RASGRF2: variants seen among roughly 807,000 people sequenced by gnomAD.
The protein encoded by RASGRF2 is ras-specific guanine nucleotide-releasing factor 2.
RASGRF2 carries 76 observed loss-of-function variants against 151.0 expected under a neutral mutation model. The observed-to-expected ratio is 0.50, with a 90% CI of 0.42 to 0.61. The LOEUF is 0.61. Among genes scored for constraint, RASGRF2 ranks in the 20% least tolerant of loss-of-function variants. The probability of loss-of-function intolerance (pLI) is 0.00; values close to 1 mark genes in which losing one functional copy is unlikely to be tolerated. For synonymous variants in RASGRF2, 504 were observed against 566.5 expected (o/e 0.89, Z 1.57); for missense variants, 1,148 against 1,564.6 (o/e 0.73, Z 4.49).
At chr5:81,129,549 G>C (rs1753560022) in intron 17 of RASGRF2, among the ~76,000 whole-genome samples, 7 of 152,148 alleles carry the variant, frequency 4.6e-5, no homozygotes, top group Admixed American at 2.6e-4. Flanking sequence ...GGCAAATTGG[G>C]ATGTGCTTTG....
intron 1 of RASGRF2, among the ~76,000 whole-genome samples, chr5:81,015,407 TAATA>T (rs1002188397): frequency 1.3e-5 from 2 of 151,996 alleles, no homozygotes; most frequent in African/African-American, 2.4e-5. Flanking sequence ...AAAAAACCAA[TAATA>T]AATAAATAAA....
At chr5:81,091,165 G>A (rs193196761) in intron 9 of RASGRF2, among the ~76,000 whole-genome samples, 112 of 152,264 alleles carry the variant, frequency 7.4e-4, no homozygotes, top group Non-Finnish European at 1.1e-3. Context: ...GAAATGGGAG[G>A]CATTAAACCA....
At chr5:81,032,536 A>T (rs539278198) in intron 1 of RASGRF2, among the ~76,000 whole-genome samples, 1 of 152,228 alleles carries the variant, frequency 6.6e-6, no homozygotes, top group Non-Finnish European at 1.5e-5. Context: ...ACAGAACCAA[A>T]GACAAAAACC....
At chr5:81,021,287 A>G (rs1749817136) in intron 1 of RASGRF2, among the ~76,000 whole-genome samples, 1 of 152,212 alleles carries the variant, frequency 6.6e-6, no homozygotes, top group Admixed American at 6.5e-5. Flanking sequence ...GGATTTGAGA[A>G]AATTGGAGGA....
chr5:81,128,246 G>T (rs974455790), intron 17 of RASGRF2, among the ~76,000 whole-genome samples: 2 of 152,064 alleles, frequency 1.3e-5, no homozygotes, highest in African/African-American at 2.4e-5. Flanking sequence ...AAAATGTACC[G>T]CATACTTGAA....
At chr5:81,208,269 C>A in intron 21 of RASGRF2, 85 bp from the exon 22 acceptor site, 1 of 1,165,722 alleles carries the variant, frequency 8.6e-7, no homozygotes, top group Non-Finnish European at 1.2e-6. Context: ...TGGAATTTTT[C>A]TAATATTCGT....
chr5:81,121,123 G>A (rs1753296897), intron 15 of RASGRF2, among the ~76,000 whole-genome samples: 1 of 152,068 alleles, frequency 6.6e-6, no homozygotes, highest in South Asian at 2.1e-4. Flanking sequence ...ATGTCTGTAA[G>A]AGCCAAAAGT....
intron 9 of RASGRF2, among the ~76,000 whole-genome samples, chr5:81,090,507 G>GA (rs1475523087): frequency 2.0e-5 from 3 of 152,096 alleles, no homozygotes; most frequent in Admixed American, 1.3e-4. Context: ...GAGAAAATGT[G>GA]AAAAAATCCT....
Position 81,123,374 on chromosome 5 carries a change from C to T in RASGRF2, c.2471-268C>T, listed in dbSNP as rs76318509. Among the ~76,000 whole-genome samples the T allele has an allele frequency of 2.7e-3, 407 of 152,288 alleles. 2 individuals carry two copies. Among genetic ancestry groups the T allele is most frequent in the African/African-American group, 9.4e-3 (390 of 41,580 alleles). On this transcript the variant is annotated intron_variant, in intron 15 of 26. Transcript: ENST00000265080. ...GGGCAGGGGATCCACCACATACCCC[C>T]GTTTACTTTAACATCTGCTGCTGCA... is the stretch of plus-strand genomic sequence containing the variant.
chr5:81,214,788 C>T (rs1755698639), intron 23 of RASGRF2, among the ~76,000 whole-genome samples: 2 of 152,238 alleles, frequency 1.3e-5, no homozygotes, highest in African/African-American at 4.8e-5. Context: ...GGGTTATCCT[C>T]CCCAAGGGCC....
Position 81,094,891 on chromosome 5 carries a change from T to G in RASGRF2, c.1654T>G (p.Phe552Val). The G allele has an allele frequency of 6.2e-7, 1 of 1,603,956 alleles. No homozygotes were observed. The highest frequency in any genetic ancestry group is 8.5e-7 in the Non-Finnish European group (1 of 1,171,676). The change falls in exon 12 of 27, where the codon TTT becomes GTT. Residue 552 changes from phenylalanine to valine, a missense_variant. By Grantham distance (50) the Phe-to-Val change is conservative (BLOSUM62 -1). Around this residue, in one of 5 missense-constraint regions of RASGRF2, gnomAD observed 646 missense variants for 807.4 expected, o/e 0.80. Transcript: ENST00000265080. ...GSGQVFGHLD[F>V]KIVVEPPDAA... ...TGGGCAAGTGTTTGGGCACCTGGAT[T>G]TTAAAATAGTGGTGGAGCCTCCTGA...
intron 17 of RASGRF2, among the ~76,000 whole-genome samples, chr5:81,142,855 C>A (rs1294488101): frequency 2.6e-5 from 4 of 152,152 alleles, no homozygotes; most frequent in Non-Finnish European, 5.9e-5. Context: ...GTGTGTGACA[C>A]AGGCTGTACA....
At chr5:80,975,891 T>G (rs527749852) in intron 1 of RASGRF2, among the ~76,000 whole-genome samples, 60 of 151,416 alleles carry the variant, frequency 4.0e-4, no homozygotes, top group Non-Finnish European at 6.5e-4. Flanking sequence ...TTTGTTCTCA[T>G]TGCCCAGGCT....
intron 1 of RASGRF2, among the ~76,000 whole-genome samples, chr5:81,034,511 G>A (rs1475612079): frequency 6.6e-6 from 1 of 152,020 alleles, no homozygotes; most frequent in African/African-American, 2.4e-5. Context: ...TATGTTTATT[G>A]CGGAACTATT....
At chr5:81,224,372 C>T (rs1755926767) in intron 26 of RASGRF2, among the ~76,000 whole-genome samples, 1 of 152,152 alleles carries the variant, frequency 6.6e-6, no homozygotes, top group East Asian at 1.9e-4. Context: ...AGGTCATTTT[C>T]CATCATCATT....
chr5:81,165,713 G>T (rs891278522), intron 17 of RASGRF2, among the ~76,000 whole-genome samples: 1 of 152,208 alleles, frequency 6.6e-6, no homozygotes, highest in Non-Finnish European at 1.5e-5. Context: ...TGCTGGTCCT[G>T]TGTGCCTCTG....
At chr5:81,181,029 A>C (rs1754905355) in intron 18 of RASGRF2, among the ~76,000 whole-genome samples, 1 of 152,102 alleles carries the variant, frequency 6.6e-6, no homozygotes, top group Non-Finnish European at 1.5e-5. Context: ...TGCAAGGAGC[A>C]TTTGAGAGAG....
intron 9 of RASGRF2, among the ~76,000 whole-genome samples, chr5:81,091,729 G>A (rs1752393794): frequency 6.6e-6 from 1 of 152,002 alleles, no homozygotes; most frequent in South Asian, 2.1e-4. Context: ...GCTTATTGAA[G>A]TAGTTTGTGC....
intron 12 of RASGRF2, among the ~76,000 whole-genome samples, chr5:81,098,124 G>T (rs1466594736): frequency 3.3e-5 from 5 of 152,172 alleles, no homozygotes; most frequent in Non-Finnish European, 7.3e-5. Context: ...AGAACCAGCA[G>T]AGTTTGATTG....
Sources: gnomAD v4.1 joint callset for allele counts (sites outside exome capture counted in the v4.1 genomes callset) on GRCh38, gnomAD v4.1.1 for gene constraint, gnomAD v4.1.1 regional missense constraint, MANE v1.5 for transcripts, NCBI Gene and HGNC (gene_info 2026-07-23, HGNC 2026-07-21) for gene names.